The following NLRP6 variants were observed in gnomAD, a reference collection of about 807,000 sequenced individuals.
NLRP6 encodes NACHT, LRR and PYD domains-containing protein 6.
Under a neutral mutation model 70.9 loss-of-function variants are expected in NLRP6, and 55 were observed. The ratio of observed to expected loss-of-function variants is 0.78; its 90% confidence interval spans 0.62 to 0.97. The LOEUF (loss-of-function observed/expected upper bound fraction) is 0.97, where lower values mean the gene tolerates loss of function less well. Among genes scored for constraint, NLRP6 ranks in the 50% least tolerant of loss-of-function variants. The probability of loss-of-function intolerance (pLI) is 0.00; values close to 1 mark genes in which losing one functional copy is unlikely to be tolerated. For missense variants in NLRP6, 1,241 were observed against 1,238.3 expected, an observed-to-expected ratio of 1.00 and a Z score of -0.03; for synonymous variants, 652 against 581.9, an observed-to-expected ratio of 1.12 and a Z score of -1.73.
At position 279,452 on chromosome 11, in the gene NLRP6, C is replaced by G; in HGVS notation, c.155C>G (p.Pro52Arg). 1.4e-6 allele frequency: 2 copies of G among 1,403,796 alleles called. No individual in the cohort carries two copies. The highest frequency in any genetic ancestry group is 1.8e-6 in the Non-Finnish European group (2 of 1,081,264). The allele number at this position is 1,403,796 out of a possible 1,614,324, so 87.0% of individuals were successfully genotyped here. A position where few individuals can be genotyped will look rare whatever the true frequency, so the allele number is the denominator to read the frequency against. ...RDVGPDGRSI[P>R]WGRLERADAV... The stretch of plus-strand genomic sequence containing the variant: ...GTGGGCCCGGACGGACGCAGCATCC[C>G]GTGGGGGCGGCTGGAGCGCGCGGAC... Residue 52 changes from proline to arginine, a missense_variant, in exon 2 of 8, where the codon CCG becomes CGG. Transcript: ENST00000534750.
chr11:281,000 C>T lies in NLRP6; in HGVS notation c.1266C>T (p.Phe422=), dbSNP rs202012419. Residue 422 remains phenylalanine (F), a synonymous_variant, in exon 4 of 8, where the codon TTC becomes TTT. Transcript: ENST00000534750. ...CCACCACGTCAGTGTACCTGCTTTT[C>T]ATCACCAGCGTTCTGAGCTCGGCTC... The part of the protein sequence containing the change: ...SKTTTSVYLL[F]ITSVLSSAPV... 15 of 1,613,130 alleles carry T rather than the reference C, an allele frequency of 9.3e-6. No homozygotes were observed. In the Admixed American group the frequency reaches 1.8e-4, roughly 20 times the overall value.
At chr11:280,014 T>TGGGCTCCCGGAGGGCGC in intron 3 of NLRP6, 70 bp from the exon 4 acceptor site, 3 of 1,418,524 alleles carry the variant, frequency 2.1e-6, no homozygotes, top group Non-Finnish European at 1.9e-6. Flanking sequence ...GGGGAGGGCG[T>TGGGCTCCCGGAGGGCGC]GGGCTCCCGG....
At chr11:284,792 G>T in intron 7 of NLRP6, 150 bp downstream of exon 7, 1 of 735,786 alleles carries the variant, frequency 1.4e-6, no homozygotes, top group East Asian at 2.7e-5. Flanking sequence ...TGGGAGCCCA[G>T]CCCTGACAGC....
chr11:285,333 AC>A lies in NLRP6; in HGVS notation c.*32del. On this transcript the variant is annotated 3_prime_UTR_variant, in exon 8 of 8. Transcript: ENST00000534750. ...TCTGGTGGCCAGAGCAGGGTGGAAG[AC>A]CCTAGTCAAAGTCCCTGTGGAGAGA... 6.2e-7 allele frequency: 1 copy of A among 1,600,602 alleles called. No individual in the cohort carries two copies.
chr11:280,960 C>G lies in NLRP6; in HGVS notation c.1226C>G (p.Ser409Trp). 1 of 1,613,218 alleles carries G rather than the reference C, an allele frequency of 6.2e-7. No individual in the cohort carries two copies. The highest frequency in any genetic ancestry group is 8.5e-7 in the Non-Finnish European group (1 of 1,179,964). The change falls in exon 4 of 8, where the codon TCG (serine) becomes TGG (tryptophan). Residue 409 changes from serine (S) to tryptophan (W), a missense_variant. Coordinates refer to ENST00000534750, the MANE Select transcript of NLRP6 (RefSeq NM_001276700.2). ...RQQLELGRDL[S>W]RTSKTTTSVY... ...CAGCTGGAGCTCGGTCGGGACCTGT[C>G]GCGCACGTCCAAGACCACCACGTCA...
Position 279,354 on chromosome 11 carries a change from C to G in NLRP6, c.57C>G (p.Arg19=). Residue 19 remains arginine (R), a synonymous_variant, in exon 2 of 8, where the codon CGC becomes CGG. Coordinates refer to ENST00000534750, the MANE Select transcript of NLRP6 (RefSeq NM_001276700.2). ...SSTGPRLAVA[R]ELLLAALEEL... ...CGGGGCCGCGCCTCGCGGTGGCCCG[C>G]GAGCTGCTCCTGGCTGCGCTGGAGG... 7.7e-7 allele frequency: 1 copy of G among 1,294,548 alleles called. No homozygotes were observed. Among genetic ancestry groups the G allele is most frequent in the South Asian group, 2.3e-5 (1 of 44,346 alleles). The allele number at this position is 1,294,548 out of a possible 1,614,324, so 80.2% of individuals were successfully genotyped here.
Position 278,587 on chromosome 11 carries a change from C to A in NLRP6, c.18C>A (p.Ala6=). ...GAGACCCCATGGACCAGCCAGAGGC[C>A]CCCTGCTCCAGGTGAGTGCTGGCCC... MDQPE[A]PCSSTGPRLA... The change falls in exon 1 of 8, where the codon GCC becomes GCA. Residue 6 remains alanine (A), a synonymous_variant. Coordinates refer to ENST00000534750, the MANE Select transcript of NLRP6 (RefSeq NM_001276700.2). This position sits in a 1 kb window ranked among gnomAD's most constrained non-coding sequence, Gnocchi z 4.7. 2 of 1,590,440 alleles carry A rather than the reference C, an allele frequency of 1.3e-6. No individual in the cohort carries two copies. Among genetic ancestry groups the A allele is most frequent in the South Asian group, 1.1e-5 (1 of 87,990 alleles).
intron 2 of NLRP6, 82 bp from the exon 3 acceptor site, chr11:279,752 G>T: frequency 7.0e-7 from 1 of 1,435,108 alleles, no homozygotes. Context: ...GACCCTGCGT[G>T]CTCCTCAGGG....
At chr11:279,265 C>A in intron 1 of NLRP6, 62 bp from the exon 2 acceptor site, 3 of 1,202,674 alleles carry the variant, frequency 2.5e-6, no homozygotes, top group South Asian at 7.7e-5. Context: ...GCGCCAGAGT[C>A]GGGGGCGGGC....
chr11:280,079 C>A lies in NLRP6; in HGVS notation c.350-5C>A. ...TGTCCCCGCGCTGTCTCCCGCTGCG[C>A]CCAGAGTACAAGAAGAAGTACCGGG... On this transcript the variant is annotated splice_polypyrimidine_tract_variant and splice_region_variant and intron_variant, in intron 3 of 7. Coordinates refer to ENST00000534750, the MANE Select transcript of NLRP6 (RefSeq NM_001276700.2). The A allele has an allele frequency of 1.4e-6, 2 of 1,478,402 alleles. No homozygotes were observed. The highest frequency in any genetic ancestry group is 1.4e-5 in the South Asian group (1 of 74,036). The allele number at this position is 1,478,402 out of a possible 1,614,324, so 91.6% of individuals were successfully genotyped here.
In NLRP6 at chr11:280,445, C is replaced by CT; in HGVS notation, c.711_712insT (p.Gly238TrpfsTer14). ...TGGACTTCGCCTTCTTCATGCCCTGCGGCGAGCTGCTGGAGAGGCCGGGCA... is the reference window on the plus strand; with the variant it reads ...TGGACTTCGCCTTCTTCATGCCCTGCTGGCGAGCTGCTGGAGAGGCCGGGCA... On this transcript the variant is annotated frameshift_variant, in exon 4 of 8. Transcript: ENST00000534750. LOFTEE classifies it high-confidence loss of function. The CT allele has an allele frequency of 6.3e-6, 10 of 1,592,034 alleles. No individual in the cohort carries two copies. Among genetic ancestry groups the CT allele is most frequent in the Non-Finnish European group, 8.5e-6 (10 of 1,177,428 alleles).
At position 285,167 on chromosome 11, in the gene NLRP6, C is replaced by T; in HGVS notation, c.2539C>T (p.Leu847=). 2 of 1,583,690 alleles carry T rather than the reference C, an allele frequency of 1.3e-6. No individual in the cohort carries two copies. Among genetic ancestry groups the T allele is most frequent in the Middle Eastern group, 3.3e-4 (2 of 6,012 alleles). ...CTTCTGCTCTGCGTGTGGCTGCAGT[C>T]TGGCCTCTGTGGAGCTGAGCGAGCA... ...HQGCGLQTLS[L]ASVELSEQSL... is the part of the protein sequence containing the mutation. Residue 847 remains leucine (L), a splice_region_variant and synonymous_variant, in exon 8 of 8, where the codon CTG becomes TTG. Transcript: ENST00000534750.
chr11:284,997 G>A (rs957515990), intron 7 of NLRP6, among the ~76,000 whole-genome samples, 169 bp from the exon 8 acceptor site: 2 of 151,960 alleles, frequency 1.3e-5, no homozygotes, highest in African/African-American at 4.8e-5. Context: ...CTGTCCCTGA[G>A]TGTCTGTGGC....
Position 278,575 on chromosome 11 carries a change from C to G in NLRP6, c.6C>G (p.Asp2Glu). The G allele has an allele frequency of 6.3e-7, 1 of 1,589,962 alleles. No individual in the cohort carries two copies. The highest frequency in any genetic ancestry group is 1.1e-5 in the South Asian group (1 of 87,894). Residue 2 changes from aspartate to glutamate, a missense_variant, in exon 1 of 8, where the codon GAC (aspartate) becomes GAG (glutamate). Physicochemically the swap from Asp to Glu is conservative, Grantham distance 45. Coordinates refer to ENST00000534750, the MANE Select transcript of NLRP6 (RefSeq NM_001276700.2). The surrounding 1 kb of genome is among the most constrained non-coding windows in gnomAD (Gnocchi z 4.7). M[D>E]QPEAPCSSTG... ...CCCAGGGAGGAAGAGACCCCATGGA[C>G]CAGCCAGAGGCCCCCTGCTCCAGGT...
At position 281,149 on chromosome 11, in the gene NLRP6, GC is replaced by G; in HGVS notation, c.1416del (p.Ser473ProfsTer79). 6.2e-7 allele frequency: 1 copy of G among 1,613,052 alleles called. No homozygotes were observed. Among genetic ancestry groups the G allele is most frequent in the Non-Finnish European group, 8.5e-7 (1 of 1,179,962 alleles). Reference protein sequence around the residue: ...EKELEQLELRGSKVQTLFLSK... With the variant: ...EKELEQLELRXSKVQTLFLSK... ...GAACTGGAGCAACTGGAGCTTCGTG[GC>G]TCCAAAGTGCAGACGCTGTTTCTCA... On this transcript the variant is annotated frameshift_variant, in exon 4 of 8. Coordinates refer to ENST00000534750, the MANE Select transcript of NLRP6 (RefSeq NM_001276700.2). LOFTEE classifies it high-confidence loss of function.
rs1024384160 is a variant in NLRP6 at position 279,592 on chromosome 11, G to A, written c.295G>A (p.Glu99Lys). 20 of 1,405,646 alleles carry A rather than the reference G, an allele frequency of 1.4e-5. No individual in the cohort carries two copies. The highest frequency in any genetic ancestry group is 3.0e-5 in the African/African-American group (2 of 66,078). 87.1% of individuals were successfully genotyped at this position (1,405,646 alleles called of 1,614,324 possible). ...DARDVAAQLQ[E>K]RRLQRLGLGS... Reference sequence around the variant, plus strand: ...GCGCGACGTGGCGGCGCAGCTCCAGGAGCGGCGGCTGCAGCGTGAGTTCTG... The same window carrying A: ...GCGCGACGTGGCGGCGCAGCTCCAGAAGCGGCGGCTGCAGCGTGAGTTCTG... The change falls in exon 2 of 8, where the codon GAG becomes AAG. Residue 99 changes from glutamate to lysine, a missense_variant. Physicochemically the swap from Glu to Lys is moderately conservative, Grantham distance 56. Transcript: ENST00000534750.
rs1346536955 is a variant in NLRP6, at chr11:284,556, T to C, written c.2451T>C (p.Asp817=). 3 of 1,612,528 alleles carry C rather than the reference T, an allele frequency of 1.9e-6. No homozygotes were observed. The highest frequency in any genetic ancestry group is 1.7e-6 in the Non-Finnish European group (2 of 1,179,808). Residue 817 remains aspartate (D), a synonymous_variant, in exon 7 of 8, where the codon GAT becomes GAC. Transcript: ENST00000534750. ...LRQSPALTTL[D]LSGCQLPAPM... ...AGAGCCCTGCCCTGACCACCCTGGA[T>C]CTCAGCGGCTGCCAACTGCCCGCCC...
Position 279,846 on chromosome 11 carries a change from G to C in NLRP6, c.323G>C (p.Gly108Ala), listed in dbSNP as rs148036504. Residue 108 changes from glycine (G) to alanine (A), a missense_variant, in exon 3 of 8, where the codon GGC becomes GCC. Physicochemically the swap from Gly to Ala is moderately conservative, Grantham distance 60. Transcript: ENST00000534750. ...QERRLQRLGL[G>A]SGTLLSVSEY... Reference sequence around the variant, plus strand: ...GTTTCCCTTCCAGGGCTCGGGCTCGGCTCCGGGACGCTGCTCTCCGTGTCC... The same window carrying C: ...GTTTCCCTTCCAGGGCTCGGGCTCGCCTCCGGGACGCTGCTCTCCGTGTCC... 1.5e-4 allele frequency: 240 copies of C among 1,564,222 alleles called. No homozygotes were observed. The African/African-American group carries it at 2.8e-3, about 18-fold the overall frequency.
chr11:278,567 C>G lies in NLRP6; in HGVS notation c.-3C>G. On this transcript the variant is annotated 5_prime_UTR_variant, in exon 1 of 8. Coordinates refer to ENST00000534750, the MANE Select transcript of NLRP6 (RefSeq NM_001276700.2). This position sits in a 1 kb window ranked among gnomAD's most constrained non-coding sequence, Gnocchi z 4.7. ...GTGCTAGACCCAGGGAGGAAGAGAC[C>G]CCATGGACCAGCCAGAGGCCCCCTG... The G allele has an allele frequency of 6.3e-7, 1 of 1,590,196 alleles. No individual in the cohort carries two copies. The highest frequency in any genetic ancestry group is 8.6e-7 in the Non-Finnish European group (1 of 1,169,210).
Sources: allele counts gnomAD v4.1 joint callset (sites outside exome capture counted in the v4.1 genomes callset), GRCh38; gene constraint gnomAD v4.1.1; non-coding constraint Gnocchi (gnomAD v3.1); transcripts MANE v1.5; gene names NCBI Gene and HGNC (gene_info 2026-07-23, HGNC 2026-07-21).